Variants in PTPRT observed in about 807,000 individuals in gnomAD.
PTPRT encodes the protein protein tyrosine phosphatase receptor type T.
A neutral mutation model predicts 176.8 loss-of-function variants in PTPRT; 56 were observed. The ratio of observed to expected loss-of-function variants is 0.32; its 90% CI spans 0.26 to 0.40. PTPRT has a LOEUF of 0.40. Ranked by LOEUF, PTPRT falls within the 10% of genes least tolerant of loss-of-function variation. PTPRT has a pLI of 1.00. For missense variants in PTPRT, 1,540 were observed against 1,908.2 expected (o/e 0.81, Z 3.60); for synonymous variants, 783 against 739.0 (o/e 1.06, Z -0.96).
intron 1 of PTPRT, among the ~76,000 whole-genome samples, chr20:42,976,234 T>C (rs1207764523): frequency 6.6e-6 from 1 of 152,138 alleles, no homozygotes; most frequent in Non-Finnish European, 1.5e-5. Context: ...CAGGGAGCCC[T>C]GCATATCATC....
At chr20:42,364,713 G>A (rs1448487990) in intron 9 of PTPRT, among the ~76,000 whole-genome samples, 12 of 152,102 alleles carry the variant, frequency 7.9e-5, no homozygotes, top group Non-Finnish European at 1.5e-4. Context: ...GGGACTCTAC[G>A]TTCTCCTATT....
intron 1 of PTPRT, among the ~76,000 whole-genome samples, chr20:42,917,974 C>T (rs772983819): frequency 6.6e-6 from 1 of 152,178 alleles, no homozygotes; most frequent in African/African-American, 2.4e-5. Context: ...GCTAAATGTA[C>T]TAGCGGTCGC....
At chr20:42,234,101 A>G (rs1053656319) in intron 15 of PTPRT, among the ~76,000 whole-genome samples, 1 of 152,098 alleles carries the variant, frequency 6.6e-6, no homozygotes, top group Non-Finnish European at 1.5e-5. Flanking sequence ...GCTGTGAAAC[A>G]TGCATACCCT....
the PTPRT span, among the ~76,000 whole-genome samples, chr20:42,036,586 G>T: frequency 2.0e-5 from 3 of 152,118 alleles, no homozygotes; most frequent in African/African-American, 7.2e-5. Flanking sequence ...TAATGATTGG[G>T]TTTAAAAGTC....
chr20:42,622,044 C>A (rs1298266979), intron 7 of PTPRT, among the ~76,000 whole-genome samples: 1 of 152,166 alleles, frequency 6.6e-6, no homozygotes, highest in Non-Finnish European at 1.5e-5. Context: ...ACTTTGCTAA[C>A]CGTTCTGCAC....
At chr20:42,544,226 T>C (rs1355983636) in intron 7 of PTPRT, among the ~76,000 whole-genome samples, 1 of 152,242 alleles carries the variant, frequency 6.6e-6, no homozygotes, top group Non-Finnish European at 1.5e-5. Context: ...AAATCATCTG[T>C]TTAGTCTAGC....
intron 6 of PTPRT, among the ~76,000 whole-genome samples, chr20:42,725,241 G>T (rs1416499793): frequency 6.6e-6 from 1 of 151,580 alleles, no homozygotes; most frequent in East Asian, 1.9e-4. Flanking sequence ...TGGCCAGGCT[G>T]GTCTTGAACT....
chr20:42,887,973 G>A (rs754897161), intron 1 of PTPRT, among the ~76,000 whole-genome samples: 5 of 152,078 alleles, frequency 3.3e-5, no homozygotes, highest in African/African-American at 1.2e-4. Context: ...TGCCATGTGC[G>A]GACTCATAGA....
intron 1 of PTPRT, among the ~76,000 whole-genome samples, chr20:42,948,941 C>A (rs1312301567): frequency 6.6e-6 from 1 of 152,164 alleles, no homozygotes; most frequent in Non-Finnish European, 1.5e-5. Context: ...GGAACACGTT[C>A]CATGAACCCA....
intron 1 of PTPRT, among the ~76,000 whole-genome samples, chr20:42,948,860 TG>T (rs2146010239): frequency 6.6e-6 from 1 of 152,328 alleles, no homozygotes; most frequent in South Asian, 2.1e-4. Flanking sequence ...GATTCAACTC[TG>T]AGCATCAGAC....
intron 7 of PTPRT, among the ~76,000 whole-genome samples, chr20:42,643,340 A>G (rs1234135510): frequency 3.9e-5 from 6 of 151,972 alleles, no homozygotes; most frequent in Non-Finnish European, 8.8e-5. Flanking sequence ...TTATTTTTTG[A>G]GAGAGGGTCT....
intron 1 of PTPRT, among the ~76,000 whole-genome samples, chr20:43,065,526 G>T (rs1263283798): frequency 6.6e-6 from 1 of 152,222 alleles, no homozygotes; most frequent in Non-Finnish European, 1.5e-5. Flanking sequence ...GTGGGGGAGG[G>T]AGTGTCTCAC....
At chr20:42,082,602 G>A (rs1276550832) in intron 29 of PTPRT, among the ~76,000 whole-genome samples, 2 of 152,174 alleles carry the variant, frequency 1.3e-5, no homozygotes, top group Non-Finnish European at 2.9e-5. Context: ...GGTCCTGATA[G>A]GCTTTATCTT....
intron 12 of PTPRT, among the ~76,000 whole-genome samples, chr20:42,308,956 T>G (rs756169295): frequency 6.6e-6 from 1 of 152,154 alleles, no homozygotes; most frequent in Non-Finnish European, 1.5e-5. Context: ...CAGCATCTGG[T>G]TTCCAAGTGC....
intron 7 of PTPRT, among the ~76,000 whole-genome samples, chr20:42,499,493 T>C (rs558792111): frequency 1.3e-5 from 2 of 152,190 alleles, no homozygotes; most frequent in East Asian, 1.9e-4. Context: ...AGTTTCACCA[T>C]GTTGGCCAGG....
chr20:42,715,454 C>T (rs575469071), intron 6 of PTPRT, among the ~76,000 whole-genome samples: 1 of 152,128 alleles, frequency 6.6e-6, no homozygotes, highest in South Asian at 2.1e-4. Flanking sequence ...ACAGCAGAGA[C>T]ATCAGAAGTA....
chr20:42,379,432 G>C (rs1028164083), intron 9 of PTPRT, among the ~76,000 whole-genome samples: 1 of 152,222 alleles, frequency 6.6e-6, no homozygotes, highest in Non-Finnish European at 1.5e-5. Context: ...GTATAACTAT[G>C]ACACCCTAAT....
At chr20:42,644,519 T>C (rs888473960) in intron 7 of PTPRT, among the ~76,000 whole-genome samples, 4 of 152,178 alleles carry the variant, frequency 2.6e-5, no homozygotes, top group African/African-American at 9.7e-5. Flanking sequence ...GGCTCTTACC[T>C]GTGCATCTTG....
intron 1 of PTPRT, among the ~76,000 whole-genome samples, chr20:42,899,574 T>G (rs191794032): frequency 6.6e-6 from 1 of 152,364 alleles, no homozygotes; most frequent in African/African-American, 2.4e-5. Flanking sequence ...TCTCAAACGC[T>G]TTAGTTACAT....
Sources: gnomAD v4.1 joint callset for allele counts (sites outside exome capture counted in the v4.1 genomes callset) on GRCh38, gnomAD v4.1.1 for gene constraint, MANE v1.5 for transcripts, NCBI Gene and HGNC (gene_info 2026-07-23, HGNC 2026-07-21) for gene names.